STON1: variants seen among roughly 807,000 people sequenced by gnomAD.
STON1 encodes the protein stonin-1.
A neutral mutation model predicts 60.9 loss-of-function variants in STON1; 79 were observed. The ratio of observed to expected loss-of-function variants is 1.30; its 90% CI spans 1.08 to 1.56. The LOEUF is 1.56. Ranked by LOEUF, STON1 falls within the 40% of genes most tolerant of loss-of-function variation. The pLI is 0.00. For synonymous variants in STON1, 363 were observed against 306.9 expected, an observed-to-expected ratio of 1.18 and a Z score of -1.91; for missense variants, 1,166 against 858.9, an observed-to-expected ratio of 1.36 and a Z score of -4.47.
intron 1 of STON1, chr2:48,531,026 T>TTACTTC (rs1671189775): frequency 6.6e-6 from 1 of 152,258 alleles, no homozygotes; most frequent in African/African-American, 2.4e-5. Context: ...GCGTTTCTAA[T>TTACTTC]ATCTAAAGAC....
rs774151450 is a variant in STON1 at position 48,581,882 on chromosome 2, T to C, written c.1249T>C (p.Leu417=). The stretch of plus-strand genomic sequence containing the variant: ...GAACTACGAGGAGCAAGAAATTTCC[T>C]TGGAAATTGTGGACAACTTTTGGGG... The part of the protein sequence containing the change: ...KKNYEEQEIS[L]EIVDNFWGKV... The change falls in exon 2 of 4, where the codon TTG becomes CTG. Residue 417 remains leucine, a synonymous_variant. Transcript: ENST00000404752. 2.5e-6 allele frequency: 4 copies of C among 1,613,932 alleles called. No individual in the cohort carries two copies. In the African/African-American group the frequency reaches 5.3e-5, roughly 22 times the overall value.
In STON1 at chr2:48,596,526, G is replaced by A. The variant is rs1252705851; in HGVS notation, c.*1224G>A. 6.6e-6 allele frequency: 1 copy of A among 152,062 alleles called. No individual in the cohort carries two copies. The highest frequency in any genetic ancestry group is 1.5e-5 in the Non-Finnish European group (1 of 68,006). The allele number at this position is 152,062 out of a possible 1,614,324, so 9.4% of individuals were successfully genotyped here. ...TCTGAAAAACAAACTCCCCCATGTGGTATTAATATACCTTCAATTTATGTT... is the reference window on the plus strand; with the variant it reads ...TCTGAAAAACAAACTCCCCCATGTGATATTAATATACCTTCAATTTATGTT... On this transcript the variant is annotated 3_prime_UTR_variant, in exon 4 of 4. Transcript: ENST00000404752.
At chr2:48,593,529 C>T (rs916739939) in intron 3 of STON1, among the ~76,000 whole-genome samples, 17 of 152,182 alleles carry the variant, frequency 1.1e-4, no homozygotes, top group Admixed American at 1.1e-3. Flanking sequence ...ACATGAGCAA[C>T]ATTTTATAAT....
At chr2:48,546,243 A>G (rs142046450) in intron 1 of STON1, among the ~76,000 whole-genome samples, 310 of 152,278 alleles carry the variant, frequency 2.0e-3, no homozygotes, top group Non-Finnish European at 3.5e-3. Context: ...ATCAAGCTCT[A>G]TCGTGAGACA....
chr2:48,532,900 T>A (rs891770452), intron 1 of STON1, among the ~76,000 whole-genome samples: 5 of 151,498 alleles, frequency 3.3e-5, no homozygotes, highest in African/African-American at 1.2e-4. Flanking sequence ...AAGGCAGAGG[T>A]GGTTAAGAAG....
chr2:48,581,679 T>C lies in STON1; in HGVS notation c.1046T>C (p.Ile349Thr), dbSNP rs368140957. The C allele has an allele frequency of 1.7e-4, 276 of 1,613,466 alleles. 5 individuals are homozygous for C. The South Asian group carries it at 2.5e-3, about 14-fold the overall frequency. Residue 349 changes from isoleucine (I) to threonine (T), a missense_variant, in exon 2 of 4, where the codon ATT becomes ACT. Ile to Thr is a moderately conservative substitution (Grantham distance 89). Coordinates refer to ENST00000404752, the MANE Select transcript of STON1 (RefSeq NM_006873.4). ...GCAGGAAAAATCCACACTGTGAAGA[T>C]TGAACATGTGTCTTACACAGAAAAA... ...SVAGKIHTVK[I>T]EHVSYTEKRK...
chr2:48,594,601 A>G, intron 3 of STON1, among the ~76,000 whole-genome samples: 1 of 152,200 alleles, frequency 6.6e-6, no homozygotes, highest in African/African-American at 2.4e-5. Flanking sequence ...CTAATAACAA[A>G]TTCCAAGAAG....
chr2:48,588,784 TG>T (rs897166449), intron 2 of STON1, among the ~76,000 whole-genome samples: 6 of 152,016 alleles, frequency 3.9e-5, no homozygotes, highest in African/African-American at 1.4e-4. Context: ...TCTGGAAAGG[TG>T]GGGAGGGCTG....
chr2:48,582,635 G>A, intron 2 of STON1, 72 bp downstream of exon 2: 1 of 1,539,880 alleles, frequency 6.5e-7, no homozygotes, highest in Non-Finnish European at 8.7e-7. Flanking sequence ...TCCTTGGGTT[G>A]AAACCAGGTA....
intron 1 of STON1, among the ~76,000 whole-genome samples, chr2:48,559,570 A>G (rs969259816): frequency 2.6e-5 from 4 of 152,220 alleles, no homozygotes; most frequent in African/African-American, 7.2e-5. Context: ...TTTGGGAGAC[A>G]TAAACATCCA....
chr2:48,548,693 T>G (rs2103780245), intron 1 of STON1, among the ~76,000 whole-genome samples: 1 of 151,688 alleles, frequency 6.6e-6, no homozygotes, highest in East Asian at 1.9e-4. Context: ...GATGTGGGGG[T>G]TTCACCATGT....
At chr2:48,557,383 C>G (rs56167037) in intron 1 of STON1, among the ~76,000 whole-genome samples, 3 of 105,074 alleles carry the variant, frequency 2.9e-5, no homozygotes, top group Admixed American at 9.2e-5. Flanking sequence ...GATGGGCGGC[C>G]GAGCAGAGAG....
At chr2:48,551,560 C>T (rs1056536249) in intron 1 of STON1, among the ~76,000 whole-genome samples, 7 of 152,190 alleles carry the variant, frequency 4.6e-5, no homozygotes, top group Admixed American at 2.0e-4. Context: ...GGGGACGGGG[C>T]GCTTTGATGG....
At chr2:48,561,799 C>A (rs1672624905) in intron 1 of STON1, among the ~76,000 whole-genome samples, 1 of 152,134 alleles carries the variant, frequency 6.6e-6, no homozygotes, top group Non-Finnish European at 1.5e-5. Context: ...TGAATATTAA[C>A]CCAGGTTTTC....
chr2:48,591,889 T>G, intron 3 of STON1, 34 bp downstream of exon 3: 1 of 1,606,286 alleles, frequency 6.2e-7, no homozygotes, highest in Non-Finnish European at 8.5e-7. Flanking sequence ...TGTGACCTGA[T>G]TTGGCTTTAA....
rs1355996959 is a variant in STON1 at position 48,547,036 on chromosome 2, C to T, written c.-48+16820C>T. The stretch of plus-strand genomic sequence containing the variant: ...AATAAAGAATGAATGCACATCCACA[C>T]AAACTATGGAAAATATACTCAGAAG... On this transcript the variant is annotated intron_variant, in intron 1 of 3. Coordinates refer to ENST00000404752, the MANE Select transcript of STON1 (RefSeq NM_006873.4). Among the ~76,000 whole-genome samples, 6 of 152,208 alleles carry T rather than the reference C, an allele frequency of 3.9e-5. No homozygotes were observed. In the East Asian group the frequency reaches 1.2e-3, roughly 29 times the overall value.
intron 1 of STON1, chr2:48,531,239 C>T (rs1385115038): frequency 6.6e-6 from 1 of 152,146 alleles, no homozygotes; most frequent in African/African-American, 2.4e-5. Context: ...TGTTGGTATT[C>T]CCAGCCTGGC....
At chr2:48,533,077 A>AC (rs1015268498) in intron 1 of STON1, among the ~76,000 whole-genome samples, 2 of 151,748 alleles carry the variant, frequency 1.3e-5, no homozygotes, top group African/African-American at 4.8e-5. Flanking sequence ...ACAAAGTGAG[A>AC]CCCCATCTCT....
chr2:48,576,185 C>CTTTTTTTTTTTTTTTTTTTTTTTTT lies in STON1; in HGVS notation c.-47-4401_-47-4377dup, dbSNP rs34849002. On this transcript the variant is annotated intron_variant, in intron 1 of 3. Coordinates refer to ENST00000404752, the MANE Select transcript of STON1 (RefSeq NM_006873.4). ...TTGCCAAGATTTGTTGTTTTCCTTT[C>CTTTTTTTTTTTTTTTTTTTTTTTTT]TTTTTTTTTTTTTTTTTTTTTTTTT... Among the ~76,000 whole-genome samples, 2 of 63,062 alleles carry CTTTTTTTTTTTTTTTTTTTTTTTTT rather than the reference C, an allele frequency of 3.2e-5. 1 individual carries two copies. 41.4% of individuals were successfully genotyped at this position (63,062 alleles called of 152,430 possible). A position where few individuals can be genotyped will look rare whatever the true frequency, so the allele number is the denominator to read the frequency against.
Sources: gnomAD v4.1 joint callset for allele counts (sites outside exome capture counted in the v4.1 genomes callset) on GRCh38, gnomAD v4.1.1 for gene constraint, MANE v1.5 for transcripts, NCBI Gene and HGNC (gene_info 2026-07-23, HGNC 2026-07-21) for gene names.